The following BCL2L13 variants were observed in gnomAD, a reference collection of about 807,000 sequenced individuals.
BCL2L13 encodes BCL2 like 13, also known as bcl-2-like protein 13.
Under a neutral mutation model 25.8 loss-of-function variants are expected in BCL2L13, and 13 were observed. The observed-to-expected ratio is 0.50, with a 90% CI of 0.33 to 0.80. The LOEUF is 0.80. Among genes scored for constraint, BCL2L13 ranks in the 30% least tolerant of loss-of-function variants. BCL2L13 has a pLI of 0.02. For missense variants in BCL2L13, 504 were observed against 574.9 expected (o/e 0.88, Z 1.26); for synonymous variants, 244 against 230.3 (o/e 1.06, Z -0.54).
At chr22:17,700,571 A>T (rs2060403411) in intron 5 of BCL2L13, among the ~76,000 whole-genome samples, 2 of 152,230 alleles carry the variant, frequency 1.3e-5, no homozygotes, top group South Asian at 4.1e-4. Flanking sequence ...GTTGATACAC[A>T]GGTTAGCACC....
chr22:17,660,442 C>T (rs1233623247), intron 2 of BCL2L13, among the ~76,000 whole-genome samples: 2 of 145,328 alleles, frequency 1.4e-5, no homozygotes, highest in Admixed American at 6.9e-5. Context: ...TTGATTGAGG[C>T]AGAGCCTTGC....
intron 6 of BCL2L13, among the ~76,000 whole-genome samples, chr22:17,710,632 T>G (rs553546565): frequency 6.6e-6 from 1 of 151,078 alleles, no homozygotes; most frequent in Non-Finnish European, 1.5e-5. Context: ...ATCCCAGCAC[T>G]TTGGGAGGCC....
At chr22:17,679,956 T>C (rs921970982) in intron 2 of BCL2L13, among the ~76,000 whole-genome samples, 19 of 151,988 alleles carry the variant, frequency 1.3e-4, no homozygotes, top group Non-Finnish European at 2.4e-4. Flanking sequence ...CTCACGCCTG[T>C]AATCCCAGCA....
intron 1 of BCL2L13, among the ~76,000 whole-genome samples, chr22:17,651,166 A>C (rs915576738): frequency 6.6e-6 from 1 of 151,332 alleles, no homozygotes; most frequent in Non-Finnish European, 1.5e-5. Flanking sequence ...TGCCCAGCTA[A>C]TTTTTGTATT....
intron 4 of BCL2L13, among the ~76,000 whole-genome samples, chr22:17,695,551 A>G (rs1249519494): frequency 6.6e-6 from 1 of 152,092 alleles, no homozygotes; most frequent in African/African-American, 2.4e-5. Context: ...TGATCTCCTG[A>G]CTTCGTGATC....
intron 6 of BCL2L13, among the ~76,000 whole-genome samples, chr22:17,725,870 A>G (rs550482441): frequency 1.7e-3 from 251 of 150,940 alleles, no homozygotes; most frequent in Non-Finnish European, 3.0e-3. Flanking sequence ...CCTTATACAT[A>G]TAGCGTGAAG....
chr22:17,705,113 T>TAA (rs35392405), intron 6 of BCL2L13, among the ~76,000 whole-genome samples: 10 of 149,430 alleles, frequency 6.7e-5, no homozygotes, highest in Non-Finnish European at 1.2e-4. Flanking sequence ...TTTGATTGAT[T>TAA]AAAAAAAAAA....
At chr22:17,640,308 A>AT (rs577667804) in intron 1 of BCL2L13, among the ~76,000 whole-genome samples, 16 of 151,940 alleles carry the variant, frequency 1.1e-4, no homozygotes, top group African/African-American at 2.9e-4. Flanking sequence ...ACTGTTCTGT[A>AT]TTTTTTTTCC....
intron 3 of BCL2L13, among the ~76,000 whole-genome samples, chr22:17,687,752 C>T (rs535124914): frequency 7.9e-5 from 12 of 151,226 alleles, no homozygotes; most frequent in African/African-American, 2.7e-4. Flanking sequence ...CTCCTGACCT[C>T]GTGATCTGCC....
chr22:17,695,797 G>T, intron 4 of BCL2L13: 2 of 180,546 alleles, frequency 1.1e-5, no homozygotes, highest in Non-Finnish European at 2.4e-5. Context: ...TTGTGCTAAT[G>T]AGATCATTTT....
intron 1 of BCL2L13, among the ~76,000 whole-genome samples, chr22:17,652,345 A>G (rs1228811336): frequency 6.6e-6 from 1 of 152,184 alleles, no homozygotes; most frequent in Non-Finnish European, 1.5e-5. Context: ...GCCACACATT[A>G]AGCACATTTA....
At chr22:17,680,145 G>A (rs1365961559) in intron 2 of BCL2L13, among the ~76,000 whole-genome samples, 3 of 147,662 alleles carry the variant, frequency 2.0e-5, no homozygotes, top group Non-Finnish European at 3.0e-5. Context: ...ACCCCGGGGG[G>A]CGGAGGTTGC....
At chr22:17,695,286 CA>C (rs1188380049) in intron 4 of BCL2L13, among the ~76,000 whole-genome samples, 1 of 152,138 alleles carries the variant, frequency 6.6e-6, no homozygotes, top group Admixed American at 6.6e-5. Flanking sequence ...AAGGAAAGAC[CA>C]AAATATTCAT....
chr22:17,629,466 C>T (rs994222316), intron 1 of BCL2L13, among the ~76,000 whole-genome samples: 1 of 152,082 alleles, frequency 6.6e-6, no homozygotes, highest in African/African-American at 2.4e-5. Flanking sequence ...TTTTCAAAAG[C>T]CTTCCCAGGT....
At chr22:17,665,403 C>G (rs2059204382) in intron 2 of BCL2L13, among the ~76,000 whole-genome samples, 1 of 152,178 alleles carries the variant, frequency 6.6e-6, no homozygotes, top group South Asian at 2.1e-4. Flanking sequence ...CACATTTTTC[C>G]TGTTGTTTCC....
intron 1 of BCL2L13, among the ~76,000 whole-genome samples, chr22:17,639,839 C>T (rs1181846533): frequency 1.3e-5 from 2 of 151,268 alleles, no homozygotes; most frequent in African/African-American, 2.4e-5. Flanking sequence ...TTGCCACACC[C>T]TTCAGATACC....
chr22:17,673,521 C>G (rs1192123450), intron 2 of BCL2L13, among the ~76,000 whole-genome samples: 1 of 139,112 alleles, frequency 7.2e-6, no homozygotes, highest in Non-Finnish European at 1.5e-5. Flanking sequence ...TCGCCCACTA[C>G]CATGCCTGGC....
chr22:17,708,482 T>A (rs1007957498), intron 6 of BCL2L13, among the ~76,000 whole-genome samples: 5 of 152,236 alleles, frequency 3.3e-5, no homozygotes, highest in Admixed American at 2.6e-4. Flanking sequence ...TCTCATAGCA[T>A]TGTTGTGAGG....
chr22:17,632,974 G>A (rs989577507), intron 1 of BCL2L13, among the ~76,000 whole-genome samples: 8 of 151,808 alleles, frequency 5.3e-5, no homozygotes, highest in South Asian at 2.1e-4. Flanking sequence ...GGTTGGTCTC[G>A]AACTCCTGGC....
Sources: allele counts gnomAD v4.1 joint callset (sites outside exome capture counted in the v4.1 genomes callset), GRCh38; gene constraint gnomAD v4.1.1; transcripts MANE v1.5; gene names NCBI Gene and HGNC (gene_info 2026-07-23, HGNC 2026-07-21).